NIBAN2: variants seen among roughly 807,000 people sequenced by gnomAD.
NIBAN2 encodes protein Niban 2.
A neutral mutation model predicts 81.8 loss-of-function variants in NIBAN2; 36 were observed. That is an observed-to-expected ratio of 0.44 (90% confidence interval 0.34 to 0.58). NIBAN2 has a LOEUF of 0.58. Among genes scored for constraint, NIBAN2 ranks in the 20% least tolerant of loss-of-function variants. The probability of loss-of-function intolerance (pLI) is 0.02; values close to 1 mark genes in which losing one functional copy is unlikely to be tolerated. For missense variants in NIBAN2, 897 were observed against 1,014.1 expected, an observed-to-expected ratio of 0.88 and a Z score of 1.57; for synonymous variants, 445 against 441.6, an observed-to-expected ratio of 1.01 and a Z score of -0.10.
intron 5 of NIBAN2, among the ~76,000 whole-genome samples, chr9:127,520,828 G>A (rs1310530911): frequency 6.6e-6 from 1 of 152,098 alleles, no homozygotes; most frequent in Non-Finnish European, 1.5e-5. Context: ...AGGTTGCAGT[G>A]AGCCGAGATT....
intron 2 of NIBAN2, among the ~76,000 whole-genome samples, chr9:127,529,380 C>T (rs1036350795): frequency 1.5e-4 from 23 of 152,264 alleles, no homozygotes; most frequent in African/African-American, 5.3e-4. Flanking sequence ...GGCTCACGCC[C>T]GTAATCCCAG....
Position 127,527,182 on chromosome 9 carries a change from G to T in NIBAN2, c.315+12C>A, listed in dbSNP as rs1433782029. 1 of 1,612,172 alleles carries T rather than the reference G, an allele frequency of 6.2e-7. No individual in the cohort carries two copies. On this transcript the variant is annotated intron_variant, in intron 3 of 13. Transcript: ENST00000373312. ...GGGGAGGCTCAGTGTGGCGCCCGGG[G>T]CCAGGCCTCACCGCTTTGTTTTCGT...
intron 9 of NIBAN2, among the ~76,000 whole-genome samples, chr9:127,509,374 G>C (rs956068980): frequency 6.6e-6 from 1 of 152,136 alleles, no homozygotes; most frequent in Non-Finnish European, 1.5e-5. Flanking sequence ...CAGCCTCGGT[G>C]CCGGCAGAAG....
At position 127,563,056 on chromosome 9, in the gene NIBAN2, C is replaced by T. The variant is rs1185446298; in HGVS notation, c.55+5764G>A. On this transcript the variant is annotated intron_variant, in intron 1 of 13. Transcript: ENST00000373312. The surrounding 1 kb of genome is among the most constrained non-coding windows in gnomAD (Gnocchi z 4.1). Reference sequence around the variant, plus strand: ...TGAGTGGTTCCTAGTCCTGTTTTTCCGCTTCACTCCTTGGACAGCAGGGAG... The same window carrying T: ...TGAGTGGTTCCTAGTCCTGTTTTTCTGCTTCACTCCTTGGACAGCAGGGAG... Among the ~76,000 whole-genome samples the T allele has an allele frequency of 2.0e-5, 3 of 152,160 alleles. No individual in the cohort carries two copies. Among genetic ancestry groups the T allele is most frequent in the Non-Finnish European group, 4.4e-5 (3 of 68,038 alleles).
At chr9:127,525,282 A>AGAG (rs10682452) in intron 3 of NIBAN2, 119 bp from the exon 4 acceptor site, 289,584 of 662,458 alleles carry the variant, frequency 0.44, 69,493 homozygotes, top group Non-Finnish European at 0.5. Flanking sequence ...GAAAGGAAGA[A>AGAG]GAGGCAAGAG....
chr9:127,519,513 A>G (rs1836896559), intron 5 of NIBAN2, among the ~76,000 whole-genome samples: 1 of 152,242 alleles, frequency 6.6e-6, no homozygotes, highest in Non-Finnish European at 1.5e-5. Context: ...TCCCACTGCC[A>G]TGACTATGGG....
chr9:127,564,595 G>T (rs1046958904), intron 1 of NIBAN2, among the ~76,000 whole-genome samples: 4 of 152,136 alleles, frequency 2.6e-5, no homozygotes, highest in Admixed American at 2.6e-4. Flanking sequence ...TTTATAGGTT[G>T]GGCGTGGTGG....
Position 127,507,291 on chromosome 9 carries a change from C to T in NIBAN2, c.1795G>A (p.Gly599Ser). 1 of 1,594,224 alleles carries T rather than the reference C, an allele frequency of 6.3e-7. No homozygotes were observed. The highest frequency in any genetic ancestry group is 8.6e-7 in the Non-Finnish European group (1 of 1,167,906). ...WGEEYSNSGGGGSPSPSTPES... is the reference protein window; with the variant it reads ...WGEEYSNSGGSGSPSPSTPES... ...GGGGTGCTGGGGCTGGGGCTGCCGC[C>T]CCCGCCGCTGTTGCTGTACTCCTCG... The change falls in exon 14 of 14, where the codon GGC becomes AGC. Residue 599 changes from glycine to serine, a missense_variant. Physicochemically the swap from Gly to Ser is moderately conservative, Grantham distance 56. This residue lies in a region of NIBAN2 where 619 missense variants were observed against 691.0 expected (regional missense o/e 0.90). Transcript: ENST00000373312. This position sits in a 1 kb window ranked among gnomAD's most constrained non-coding sequence, Gnocchi z 6.8.
Position 127,508,930 on chromosome 9 carries a change from A to T in NIBAN2, c.1317+46T>A, listed in dbSNP as rs368582989. The stretch of plus-strand genomic sequence containing the variant: ...CCCCCTGGGCGAGGGGGCCTGTGGA[A>T]GGCAGTGGACAGGGTGTGGGGTGGG... On this transcript the variant is annotated intron_variant, in intron 10 of 13. Transcript: ENST00000373312. This position sits in a 1 kb window ranked among gnomAD's most constrained non-coding sequence, Gnocchi z 6.4. 144 of 1,609,068 alleles carry T rather than the reference A, an allele frequency of 8.9e-5. No homozygotes were observed. Among genetic ancestry groups the T allele is most frequent in the Non-Finnish European group, 1.2e-4 (139 of 1,177,182 alleles).
rs777810202 is a variant in NIBAN2, at chr9:127,523,775, G to C, written c.493C>G (p.Pro165Ala). 6.2e-6 allele frequency: 10 copies of C among 1,614,098 alleles called. No homozygotes were observed. The highest frequency in any genetic ancestry group is 4.2e-6 in the Non-Finnish European group (5 of 1,180,004). Reference protein sequence around the residue: ...PTQFPLILWHPYARHYYFCMM... With the variant: ...PTQFPLILWHAYARHYYFCMM... ...CAGAAGTAGTAGTGACGCGCATAAG[G>C]ATGCCAGAGGATGAGCGGGAACTGT... Residue 165 changes from proline to alanine, a missense_variant, in exon 5 of 14, where the codon CCT (proline) becomes GCT (alanine). Around this residue, in one of 3 missense-constraint regions of NIBAN2, gnomAD observed 69 missense variants for 114.7 expected, o/e 0.60. Coordinates refer to ENST00000373312, the MANE Select transcript of NIBAN2 (RefSeq NM_022833.4).
intron 1 of NIBAN2, among the ~76,000 whole-genome samples, chr9:127,558,456 A>C (rs1401659993): frequency 6.6e-6 from 1 of 152,174 alleles, no homozygotes; most frequent in Non-Finnish European, 1.5e-5. Context: ...CCTGGGCCTC[A>C]GTTTACTGGG....
chr9:127,568,010 C>T (rs114784154), intron 1 of NIBAN2, among the ~76,000 whole-genome samples: 2,136 of 152,278 alleles, frequency 0.014, 54 homozygotes, highest in African/African-American at 0.049. Context: ...TCTCACTGTT[C>T]TCCAGAGTCT....
chr9:127,510,083 C>CCCT, intron 9 of NIBAN2, 63 bp downstream of exon 9: 1 of 1,456,398 alleles, frequency 6.9e-7, no homozygotes. Context: ...GCAGCCGGGG[C>CCCT]CCTCTGGGAC....
At chr9:127,539,300 G>A (rs1418728700) in intron 1 of NIBAN2, among the ~76,000 whole-genome samples, 1 of 152,092 alleles carries the variant, frequency 6.6e-6, no homozygotes, top group Non-Finnish European at 1.5e-5. Context: ...GACCCCTCAC[G>A]AGGACCCGCA....
chr9:127,535,323 T>C (rs1473625523), intron 1 of NIBAN2, among the ~76,000 whole-genome samples: 2 of 152,166 alleles, frequency 1.3e-5, no homozygotes, highest in Non-Finnish European at 2.9e-5. Context: ...AGATATGGTG[T>C]CCAGGCAGGG....
At chr9:127,564,956 A>C (rs988285489) in intron 1 of NIBAN2, among the ~76,000 whole-genome samples, 1 of 152,104 alleles carries the variant, frequency 6.6e-6, no homozygotes, top group African/African-American at 2.4e-5. Context: ...CACCACACTT[A>C]AGTGACTTCT....
In NIBAN2 at chr9:127,558,638, C is replaced by A. The variant is rs367651059; in HGVS notation, c.55+10182G>T. ...GGTGAGAGGCACACACCTTCCCCAG[C>A]CCATCAGGCCTGCCCACCCCAAAGC... is the stretch of plus-strand genomic sequence containing the variant. On this transcript the variant is annotated intron_variant, in intron 1 of 13. Coordinates refer to ENST00000373312, the MANE Select transcript of NIBAN2 (RefSeq NM_022833.4). Among the ~76,000 whole-genome samples the A allele has an allele frequency of 2.2e-3, 328 of 152,244 alleles. 4 individuals are homozygous for A. Among genetic ancestry groups the A allele is most frequent in the African/African-American group, 7.5e-3 (313 of 41,532 alleles).
chr9:127,556,969 G>C lies in NIBAN2; in HGVS notation c.55+11851C>G, dbSNP rs1393519425. 3.3e-5 allele frequency among the ~76,000 whole-genome samples: 5 copies of C among 152,162 alleles called. No individual in the cohort carries two copies. In the East Asian group the frequency reaches 9.6e-4, roughly 29 times the overall value. ...GTGCACACCTGGGGTCCCAGCTACT[G>C]GGGAGACTGAGGCAGAAGGATTGCC... is the stretch of plus-strand genomic sequence containing the variant. On this transcript the variant is annotated intron_variant, in intron 1 of 13. Transcript: ENST00000373312.
chr9:127,512,018 C>A (rs1386519249), intron 8 of NIBAN2, among the ~76,000 whole-genome samples: 1 of 152,154 alleles, frequency 6.6e-6, no homozygotes, highest in Non-Finnish European at 1.5e-5. Context: ...ATATCTTAGG[C>A]CCCCAGAATT....
Sources: gnomAD v4.1 joint callset for allele counts (sites outside exome capture counted in the v4.1 genomes callset) on GRCh38, gnomAD v4.1.1 for gene constraint, gnomAD v4.1.1 regional missense constraint, Gnocchi (gnomAD v3.1) non-coding constraint, MANE v1.5 for transcripts, NCBI Gene and HGNC (gene_info 2026-07-23, HGNC 2026-07-21) for gene names.